The following RSL24D1 variants were observed in gnomAD, a reference collection of about 807,000 sequenced individuals.
RSL24D1 encodes ribosomal L24 domain containing 1.
A neutral mutation model predicts 26.2 loss-of-function variants in RSL24D1; 6 were observed. The ratio of observed to expected loss-of-function variants is 0.23; its 90% CI spans 0.13 to 0.45. RSL24D1 has a LOEUF of 0.45. Ranked by LOEUF, RSL24D1 falls within the 20% of genes least tolerant of loss-of-function variation. The probability of loss-of-function intolerance (pLI) is 0.99; values close to 1 mark genes in which losing one functional copy is unlikely to be tolerated. For missense variants in RSL24D1, 176 were observed against 202.6 expected, an observed-to-expected ratio of 0.87 and a Z score of 0.80; for synonymous variants, 61 against 59.1, an observed-to-expected ratio of 1.03 and a Z score of -0.15.
chr15:55,190,413 A>AC (rs1894283846), intron 3 of RSL24D1, among the ~76,000 whole-genome samples: 1 of 148,624 alleles, frequency 6.7e-6, no homozygotes, highest in African/African-American at 2.5e-5. Context: ...ACAAAACAAA[A>AC]CAAAAAAAAC....
At chr15:55,186,432 A>T (rs2140591665) in intron 3 of RSL24D1, among the ~76,000 whole-genome samples, 1 of 152,316 alleles carries the variant, frequency 6.6e-6, no homozygotes, top group South Asian at 2.1e-4. Flanking sequence ...TAATGGAACT[A>T]ATGGACAGCT....
chr15:55,190,966 G>A lies in RSL24D1; in HGVS notation c.268+9C>T. The A allele has an allele frequency of 6.3e-7, 1 of 1,580,302 alleles. No individual in the cohort carries two copies. Among genetic ancestry groups the A allele is most frequent in the Non-Finnish European group, 8.6e-7 (1 of 1,156,658 alleles). On this transcript the variant is annotated intron_variant, in intron 3 of 5. Transcript: ENST00000260443. ...TCCTCAAAATTACTGGTATTTCTTT[G>A]TGACTTACTAGTTTTATTCCATAGC...
At chr15:55,186,249 T>C (rs534128291) in intron 3 of RSL24D1, among the ~76,000 whole-genome samples, 2 of 152,188 alleles carry the variant, frequency 1.3e-5, no homozygotes, top group African/African-American at 2.4e-5. Context: ...TCTGATCTAG[T>C]CTAGCTCTTT....
chr15:55,196,782 A>T, intron 1 of RSL24D1, 28 bp downstream of exon 1: 1 of 1,611,632 alleles, frequency 6.2e-7, no homozygotes, highest in Non-Finnish European at 8.5e-7. Flanking sequence ...AGCTAGGCTG[A>T]AGCAAGAACT....
chr15:55,190,317 T>C (rs1383539897), intron 3 of RSL24D1, among the ~76,000 whole-genome samples: 1 of 147,804 alleles, frequency 6.8e-6, no homozygotes, highest in Non-Finnish European at 1.5e-5. Context: ...TGGTAGAATC[T>C]ACAAGCTAGC....
At chr15:55,196,452 T>A (rs1043283747) in intron 1 of RSL24D1, 5 of 512,908 alleles carry the variant, frequency 9.7e-6, no homozygotes, top group Non-Finnish European at 1.9e-5. Context: ...CCTGACAGGG[T>A]ATACACTCAA....
At chr15:55,183,505 C>A (rs549567181) in intron 4 of RSL24D1, 105 bp from the exon 5 acceptor site, 3 of 742,258 alleles carry the variant, frequency 4.0e-6, no homozygotes, top group Non-Finnish European at 6.8e-6. Context: ...GTTAGCCCCA[C>A]AGATGGGGAA....
chr15:55,185,426 C>G lies in RSL24D1; in HGVS notation c.269-1G>C. On this transcript the variant is annotated splice_acceptor_variant, in intron 3 of 5. Coordinates refer to ENST00000260443, the MANE Select transcript of RSL24D1 (RefSeq NM_016304.3). LOFTEE classifies it high-confidence loss of function. ...TCTTCAACTCTCTTCATCGCATCAACTACAAAAAAATTCATGAGTTAGCAA... is the reference window on the plus strand; with the variant it reads ...TCTTCAACTCTCTTCATCGCATCAAGTACAAAAAAATTCATGAGTTAGCAA... 6.2e-7 allele frequency: 1 copy of G among 1,603,132 alleles called. No homozygotes were observed. The highest frequency in any genetic ancestry group is 8.5e-7 in the Non-Finnish European group (1 of 1,176,474).
At chr15:55,190,663 C>A (rs1249265504) in intron 3 of RSL24D1, among the ~76,000 whole-genome samples, 1 of 152,130 alleles carries the variant, frequency 6.6e-6, no homozygotes, top group Non-Finnish European at 1.5e-5. Flanking sequence ...ATCCCACACT[C>A]ACCCTAAAAC....
intron 4 of RSL24D1, among the ~76,000 whole-genome samples, chr15:55,184,514 A>G (rs1341573296): frequency 2.0e-5 from 3 of 152,198 alleles, no homozygotes; most frequent in African/African-American, 7.2e-5. Context: ...GAATTAGAAA[A>G]ACCACCATTT....
intron 1 of RSL24D1, chr15:55,196,318 C>A: frequency 2.2e-6 from 1 of 456,542 alleles, no homozygotes; most frequent in Non-Finnish European, 4.4e-6. Context: ...CACCTCTATG[C>A]TGAGTCTTTC....
In RSL24D1 at chr15:55,185,534, T is replaced by C. The variant is rs183592773; in HGVS notation, c.269-109A>G. The C allele has an allele frequency of 1.1e-4, 86 of 791,384 alleles. No homozygotes were observed. In the East Asian group the frequency reaches 1.4e-3, roughly 13 times the overall value. 49.0% of individuals were successfully genotyped at this position (791,384 alleles called of 1,614,324 possible). A position where few individuals can be genotyped will look rare whatever the true frequency, so the allele number is the denominator to read the frequency against. The stretch of plus-strand genomic sequence containing the variant: ...ATTCTGATTTAGAAATGAATTTACA[T>C]GAAAAAAATCATTACAAAAACAATC... On this transcript the variant is annotated intron_variant, in intron 3 of 5. Coordinates refer to ENST00000260443, the MANE Select transcript of RSL24D1 (RefSeq NM_016304.3).
At chr15:55,196,395 A>C (rs1033133992) in intron 1 of RSL24D1, 4 of 464,534 alleles carry the variant, frequency 8.6e-6, no homozygotes, top group African/African-American at 2.0e-5. Context: ...AGCAATACGG[A>C]ACACTTCCAT....
At chr15:55,190,283 A>T (rs1351447761) in intron 3 of RSL24D1, among the ~76,000 whole-genome samples, 1 of 150,202 alleles carries the variant, frequency 6.7e-6, no homozygotes, top group East Asian at 1.9e-4. Flanking sequence ...AGGCAAGGCC[A>T]AGGGTCCCAA....
chr15:55,190,299 C>T (rs111650140), intron 3 of RSL24D1, among the ~76,000 whole-genome samples: 6,753 of 125,038 alleles, frequency 0.054, 272 homozygotes, highest in African/African-American at 0.13. Context: ...CCCAAACATA[C>T]ACAAATGTGG....
intron 5 of RSL24D1, 76 bp from the exon 6 acceptor site, chr15:55,182,301 A>G (rs1315435603): frequency 1.1e-6 from 1 of 908,186 alleles, no homozygotes; most frequent in Non-Finnish European, 1.8e-6. Context: ...CACTTTATAA[A>G]GGATCTTGCA....
intron 1 of RSL24D1, among the ~76,000 whole-genome samples, chr15:55,194,635 T>C (rs1366916059): frequency 6.6e-6 from 1 of 152,158 alleles, no homozygotes; most frequent in East Asian, 1.9e-4. Flanking sequence ...TTTTCCCTGT[T>C]TGCAAAGTAT....
At chr15:55,185,668 C>T (rs1243491706) in intron 3 of RSL24D1, among the ~76,000 whole-genome samples, 2 of 152,192 alleles carry the variant, frequency 1.3e-5, no homozygotes, top group South Asian at 2.1e-4. Flanking sequence ...GTCTCTACTG[C>T]TGTTAAATTT....
chr15:55,188,487 C>T (rs996046821), intron 3 of RSL24D1, among the ~76,000 whole-genome samples: 2 of 152,134 alleles, frequency 1.3e-5, no homozygotes, highest in Non-Finnish European at 2.9e-5. Context: ...TGTAATAAAA[C>T]CTAACAGAAA....
Sources: allele counts gnomAD v4.1 joint callset (sites outside exome capture counted in the v4.1 genomes callset), GRCh38; gene constraint gnomAD v4.1.1; transcripts MANE v1.5; gene names NCBI Gene and HGNC (gene_info 2026-07-23, HGNC 2026-07-21).